The following TFEC variants were observed in gnomAD, a reference collection of about 807,000 sequenced individuals.
The protein encoded by TFEC is class E basic helix-loop-helix protein 34.
TFEC carries 31 observed loss-of-function variants against 41.6 expected under a neutral mutation model. The ratio of observed to expected loss-of-function variants is 0.74; its 90% CI spans 0.56 to 1.01. The LOEUF (loss-of-function observed/expected upper bound fraction) is 1.01, where lower values mean the gene tolerates loss of function less well. Ranked by LOEUF, TFEC falls within the 50% of genes least tolerant of loss-of-function variation. The pLI, the probability that TFEC is intolerant of heterozygous loss-of-function variation, is 0.00. For synonymous variants in TFEC, 143 were observed against 140.6 expected, an observed-to-expected ratio of 1.02 and a Z score of -0.12; for missense variants, 402 against 404.1, an observed-to-expected ratio of 0.99 and a Z score of 0.04.
chr7:115,982,198 G>A (rs1284115797), intron 2 of TFEC, among the ~76,000 whole-genome samples: 1 of 151,260 alleles, frequency 6.6e-6, no homozygotes, highest in East Asian at 1.9e-4. Context: ...AGGTGGAAAA[G>A]GCTTGGGAGA....
At chr7:116,036,314 G>A (rs1795908501) in intron 3 of TFEC, among the ~76,000 whole-genome samples, 1 of 152,044 alleles carries the variant, frequency 6.6e-6, no homozygotes, top group African/African-American at 2.4e-5. Context: ...GTCAGTCACT[G>A]GTTTCAGGCT....
At chr7:116,040,372 A>G (rs1468666883) in intron 3 of TFEC, among the ~76,000 whole-genome samples, 3 of 152,168 alleles carry the variant, frequency 2.0e-5, no homozygotes, top group Non-Finnish European at 4.4e-5. Flanking sequence ...ATATATTAAC[A>G]TTTTCTATTA....
At chr7:116,050,448 A>G (rs1339466072) in intron 3 of TFEC, among the ~76,000 whole-genome samples, 1 of 152,234 alleles carries the variant, frequency 6.6e-6, no homozygotes, top group Non-Finnish European at 1.5e-5. Context: ...ACAAATTTAC[A>G]AGAAAAAATC....
chr7:116,017,493 T>A (rs896606769), intron 1 of TFEC, among the ~76,000 whole-genome samples: 15 of 152,192 alleles, frequency 9.9e-5, no homozygotes, highest in Admixed American at 7.2e-4. Flanking sequence ...AGTGCTGGGA[T>A]TACAGGCATG....
intron 1 of TFEC, among the ~76,000 whole-genome samples, chr7:116,119,944 C>T (rs1442485125): frequency 1.3e-5 from 2 of 150,282 alleles, no homozygotes; most frequent in Non-Finnish European, 3.0e-5. Flanking sequence ...ATTGGAAATG[C>T]TTACAATGTT....
chr7:116,005,430 C>G (rs1256202794), intron 1 of TFEC, among the ~76,000 whole-genome samples: 1 of 152,110 alleles, frequency 6.6e-6, no homozygotes, highest in Non-Finnish European at 1.5e-5. Context: ...GGAGCAAAGG[C>G]AACTCTTACT....
Position 115,935,521 on chromosome 7 carries a change from A to G in TFEC, c.*5030T>C, listed in dbSNP as rs1793186316. ...AGCAACTGCTATGCTGTTAGATAAG[A>G]TTCTTGAATTTCGTTTGCTTTTAAA... is the stretch of plus-strand genomic sequence containing the variant. On this transcript the variant is annotated 3_prime_UTR_variant, in exon 8 of 8. Transcript: ENST00000265440. The G allele has an allele frequency of 2.0e-5, 3 of 152,042 alleles. No individual in the cohort carries two copies. The highest frequency in any genetic ancestry group is 6.6e-5 in the Admixed American group (1 of 15,222). 9.4% of individuals were successfully genotyped at this position (152,042 alleles called of 1,614,324 possible).
intron 1 of TFEC, among the ~76,000 whole-genome samples, chr7:116,112,681 GA>G (rs1797883442): frequency 6.6e-6 from 1 of 151,502 alleles, no homozygotes; most frequent in Non-Finnish European, 1.5e-5. Flanking sequence ...TATATGTATA[GA>G]AAAAAAGAAC....
At chr7:116,009,494 GT>G (rs1385300938) in intron 1 of TFEC, among the ~76,000 whole-genome samples, 1 of 152,034 alleles carries the variant, frequency 6.6e-6, no homozygotes, top group Non-Finnish European at 1.5e-5. Flanking sequence ...TACATATCAT[GT>G]TTCATATTAC....
At chr7:116,020,442 A>G (rs1034873863) in intron 1 of TFEC, among the ~76,000 whole-genome samples, 1 of 152,204 alleles carries the variant, frequency 6.6e-6, no homozygotes, top group Non-Finnish European at 1.5e-5. Flanking sequence ...TCTATAATGT[A>G]AATAACACAT....
chr7:115,966,802 T>C (rs1792874511), intron 3 of TFEC, among the ~76,000 whole-genome samples: 1 of 151,750 alleles, frequency 6.6e-6, no homozygotes, highest in African/African-American at 2.4e-5. Flanking sequence ...GCACTACCAA[T>C]GTCCCCATTC....
intron 3 of TFEC, among the ~76,000 whole-genome samples, chr7:116,065,858 C>T (rs1389549247): frequency 1.3e-5 from 2 of 152,064 alleles, no homozygotes; most frequent in African/African-American, 2.4e-5. Context: ...CATCAGATTG[C>T]CCTCTGCAGC....
In TFEC at chr7:115,940,503, A is replaced by ACCAGCATAGAATTGCTTTCCAG; in HGVS notation, c.*26_*47dup. 1.3e-6 allele frequency: 2 copies of ACCAGCATAGAATTGCTTTCCAG among 1,548,752 alleles called. No homozygotes were observed. Among genetic ancestry groups the ACCAGCATAGAATTGCTTTCCAG allele is most frequent in the Non-Finnish European group, 1.7e-6 (2 of 1,146,244 alleles). ...GAAACACAGAGCATAATTGCATAGC[A>ACCAGCATAGAATTGCTTTCCAG]CCAGCATAGAATTGCTTTCCAGTTG... On this transcript the variant is annotated 3_prime_UTR_variant, in exon 8 of 8. Transcript: ENST00000265440.
At chr7:115,978,489 T>C (rs1214314138) in intron 2 of TFEC, among the ~76,000 whole-genome samples, 3 of 152,164 alleles carry the variant, frequency 2.0e-5, no homozygotes, top group African/African-American at 7.2e-5. Flanking sequence ...TTAGATCCAG[T>C]CTGAACACTG....
At chr7:116,054,505 G>A (rs1259587046) in intron 3 of TFEC, among the ~76,000 whole-genome samples, 1 of 152,152 alleles carries the variant, frequency 6.6e-6, no homozygotes, top group Non-Finnish European at 1.5e-5. Flanking sequence ...AACTAGTTTT[G>A]AAGGGAATTA....
chr7:116,107,646 A>G (rs917699566), intron 3 of TFEC, among the ~76,000 whole-genome samples: 1 of 152,134 alleles, frequency 6.6e-6, no homozygotes, highest in Non-Finnish European at 1.5e-5. Context: ...CAGCCAACAA[A>G]TTCTCTCTGT....
intron 1 of TFEC, among the ~76,000 whole-genome samples, chr7:116,143,569 G>C (rs1188737342): frequency 6.6e-6 from 1 of 152,200 alleles, no homozygotes. Context: ...TGAAATTGCT[G>C]AAGTCTAAAT....
chr7:115,956,032 T>A (rs1051340995), intron 4 of TFEC, among the ~76,000 whole-genome samples: 2 of 152,020 alleles, frequency 1.3e-5, no homozygotes, highest in South Asian at 2.1e-4. Flanking sequence ...AACCCTTACG[T>A]TGATCCAGTT....
intron 2 of TFEC, among the ~76,000 whole-genome samples, chr7:115,983,561 G>A (rs942776220): frequency 6.6e-6 from 1 of 152,026 alleles, no homozygotes; most frequent in Non-Finnish European, 1.5e-5. Flanking sequence ...TATTAATGTA[G>A]TTTTTTATAC....
Sources: allele counts gnomAD v4.1 joint callset (sites outside exome capture counted in the v4.1 genomes callset), GRCh38; gene constraint gnomAD v4.1.1; transcripts MANE v1.5; gene names NCBI Gene and HGNC (gene_info 2026-07-23, HGNC 2026-07-21).